COL22A1: variants seen among roughly 807,000 people sequenced by gnomAD.
COL22A1 encodes collagen alpha-1(XXII) chain.
Under a neutral mutation model 248.9 loss-of-function variants are expected in COL22A1, and 221 were observed. The ratio of observed to expected loss-of-function variants is 0.89; its 90% confidence interval spans 0.80 to 0.99. COL22A1 has a LOEUF of 0.99. Ranked by LOEUF, COL22A1 falls within the 50% of genes least tolerant of loss-of-function variation. COL22A1 has a pLI of 0.00. For synonymous variants in COL22A1, 891 were observed against 793.4 expected (o/e 1.12, Z -2.07); for missense variants, 2,240 against 2,179.0 (o/e 1.03, Z -0.56).
At chr8:138,760,190 C>T in intron 18 of COL22A1, 53 bp downstream of exon 18, 1 of 1,477,298 alleles carries the variant, frequency 6.8e-7, no homozygotes, top group Non-Finnish European at 9.1e-7. Flanking sequence ...CGGGCAGTCC[C>T]CGCACCTGCC....
chr8:138,638,699 T>G (rs1821411114), intron 47 of COL22A1, among the ~76,000 whole-genome samples: 1 of 152,196 alleles, frequency 6.6e-6, no homozygotes, highest in Admixed American at 6.5e-5. Context: ...ATTTTTACTG[T>G]TTCTAAATCT....
intron 6 of COL22A1, among the ~76,000 whole-genome samples, chr8:138,822,875 C>T (rs889512677): frequency 4.6e-5 from 7 of 152,206 alleles, no homozygotes; most frequent in African/African-American, 9.7e-5. Flanking sequence ...ATCTCCTCCC[C>T]GTTCCCCTGC....
chr8:138,883,676 G>C (rs1230954738), intron 1 of COL22A1, among the ~76,000 whole-genome samples: 6 of 152,144 alleles, frequency 3.9e-5, no homozygotes, highest in Non-Finnish European at 8.8e-5. Context: ...GTTCTCAGGA[G>C]ATCTGCTACT....
At chr8:138,756,188 C>G (rs1044901279) in intron 18 of COL22A1, among the ~76,000 whole-genome samples, 1 of 152,234 alleles carries the variant, frequency 6.6e-6, no homozygotes, top group Non-Finnish European at 1.5e-5. Flanking sequence ...CAGCCACTGT[C>G]TTTGCACTGT....
rs1319761353 is a variant in COL22A1 at position 138,760,275 on chromosome 8, G to T, written c.1870C>A (p.Pro624Thr). Reference protein sequence around the residue: ...GDTGQQGRPGPSGVAGPQGEK... With the variant: ...GDTGQQGRPGTSGVAGPQGEK... Reference sequence around the variant, plus strand: ...CCCTGGGGTCCTGCCACACCAGAAGGGCCGGGCCTGCCCTGGAGGAAAGAA... The same window carrying T: ...CCCTGGGGTCCTGCCACACCAGAAGTGCCGGGCCTGCCCTGGAGGAAAGAA... The change falls in exon 18 of 65, where the codon CCT becomes ACT. Residue 624 changes from proline (P) to threonine (T), a missense_variant. Pro to Thr is a conservative substitution (Grantham distance 38). Transcript: ENST00000303045. 1.1e-5 allele frequency: 17 copies of T among 1,598,778 alleles called. No individual in the cohort carries two copies. The highest frequency in any genetic ancestry group is 1.4e-5 in the Non-Finnish European group (16 of 1,172,944).
intron 32 of COL22A1, among the ~76,000 whole-genome samples, chr8:138,697,945 G>C (rs1310718717): frequency 6.6e-6 from 1 of 152,188 alleles, no homozygotes; most frequent in Non-Finnish European, 1.5e-5. Context: ...TGGCTTCCTG[G>C]CTCCCAGGCT....
intron 5 of COL22A1, among the ~76,000 whole-genome samples, chr8:138,830,976 A>C (rs59176636): frequency 0.025 from 3,877 of 152,198 alleles, 167 homozygotes; most frequent in African/African-American, 0.088. Flanking sequence ...GAACAACCTC[A>C]TTGTCTGGGA....
At position 138,669,788 on chromosome 8, in the gene COL22A1, G is replaced by T. The variant is rs1181702095; in HGVS notation, c.3151-6048C>A. Among the ~76,000 whole-genome samples, 5 of 152,046 alleles carry T rather than the reference G, an allele frequency of 3.3e-5. No homozygotes were observed. In the South Asian group the frequency reaches 1.0e-3, roughly 32 times the overall value. ...GAATTATTACTGAGAACAACAAAAT[G>T]GTTTCATTTAGAAAGGAGAGTTTCC... On this transcript the variant is annotated intron_variant, in intron 41 of 64. Coordinates refer to ENST00000303045, the MANE Select transcript of COL22A1 (RefSeq NM_152888.3).
intron 40 of COL22A1, among the ~76,000 whole-genome samples, chr8:138,677,064 T>G (rs1825618763): frequency 6.6e-6 from 1 of 152,208 alleles, no homozygotes. Flanking sequence ...ACCAATAATT[T>G]GCCAAGTACC....
intron 12 of COL22A1, among the ~76,000 whole-genome samples, chr8:138,793,135 T>A (rs1816211435): frequency 6.6e-6 from 1 of 152,188 alleles, no homozygotes; most frequent in South Asian, 2.1e-4. Flanking sequence ...AGTATTACCA[T>A]CCCTGGACTC....
intron 16 of COL22A1, among the ~76,000 whole-genome samples, chr8:138,765,719 G>A (rs1311400648): frequency 6.6e-6 from 1 of 152,222 alleles, no homozygotes; most frequent in African/African-American, 2.4e-5. Context: ...AAGAGAGAGA[G>A]CCAAAGCTGT....
intron 62 of COL22A1, among the ~76,000 whole-genome samples, chr8:138,594,567 CT>C (rs759030932): frequency 4.8e-4 from 73 of 152,298 alleles, no homozygotes; most frequent in Non-Finnish European, 8.4e-4. Context: ...CATTCTCAGC[CT>C]TGGTGTCCCT....
At chr8:138,727,869 C>A (rs778493725) in intron 23 of COL22A1, among the ~76,000 whole-genome samples, 14 of 152,132 alleles carry the variant, frequency 9.2e-5, no homozygotes, top group Non-Finnish European at 2.1e-4. Flanking sequence ...TGCTGGAAGG[C>A]TTTAAAGAAG....
At chr8:138,861,416 A>G (rs1228058033) in intron 3 of COL22A1, among the ~76,000 whole-genome samples, 2 of 152,148 alleles carry the variant, frequency 1.3e-5, no homozygotes, top group Non-Finnish European at 2.9e-5. Flanking sequence ...TCAGTTATCC[A>G]CCAGTTATCC....
At chr8:138,628,319 G>T (rs989943356) in intron 50 of COL22A1, among the ~76,000 whole-genome samples, 27 of 150,664 alleles carry the variant, frequency 1.8e-4, no homozygotes, top group African/African-American at 6.3e-4. Context: ...GGGCACCGTG[G>T]CTCATGCCTG....
rs571926182 is a variant in COL22A1 at position 138,716,151 on chromosome 8, G to C, written c.2463+76C>G. 4.9e-5 allele frequency: 56 copies of C among 1,143,998 alleles called. 1 individual carries two copies. The South Asian group carries it at 7.7e-4, about 16-fold the overall frequency. The allele number at this position is 1,143,998 out of a possible 1,614,324, so 70.9% of individuals were successfully genotyped here. A position where few individuals can be genotyped will look rare whatever the true frequency, so the allele number is the denominator to read the frequency against. On this transcript the variant is annotated intron_variant, in intron 29 of 64. Coordinates refer to ENST00000303045, the MANE Select transcript of COL22A1 (RefSeq NM_152888.3). Reference sequence around the variant, plus strand: ...AAAATTATGACTGTCCCGAGGGACTGAGACTCCACAGGGGGCTGCTCTCTG... The same window carrying C: ...AAAATTATGACTGTCCCGAGGGACTCAGACTCCACAGGGGGCTGCTCTCTG...
chr8:138,606,203 G>T (rs1818404911), intron 58 of COL22A1, among the ~76,000 whole-genome samples, 178 bp downstream of exon 58: 1 of 152,134 alleles, frequency 6.6e-6, no homozygotes, highest in South Asian at 2.1e-4. Flanking sequence ...TGCCATGCAG[G>T]TGTGACCTCT....
At chr8:138,806,243 C>T (rs1288934151) in intron 10 of COL22A1, among the ~76,000 whole-genome samples, 2 of 68,262 alleles carry the variant, frequency 2.9e-5, no homozygotes, top group African/African-American at 6.7e-5. Context: ...TGTGATGGTA[C>T]GTGTGTATAT....
At position 138,662,054 on chromosome 8, in the gene COL22A1, G is replaced by C; in HGVS notation, c.3216C>G (p.Gly1072=). 6.2e-7 allele frequency: 1 copy of C among 1,612,284 alleles called. No homozygotes were observed. Among genetic ancestry groups the C allele is most frequent in the Non-Finnish European group, 8.5e-7 (1 of 1,179,160 alleles). ...PGSRGLPGFP[G]PQGPAGRDGA... is the part of the protein sequence containing the mutation. ...CGTCCCGGCCGGCTGGGCCCTGGGG[G>C]CCAGGGAATCCAGGTAAGCCTCGTG... The change falls in exon 43 of 65, where the codon GGC becomes GGG. Residue 1072 remains glycine, a synonymous_variant. Transcript: ENST00000303045.
Sources: gnomAD v4.1 joint callset for allele counts (sites outside exome capture counted in the v4.1 genomes callset) on GRCh38, gnomAD v4.1.1 for gene constraint, MANE v1.5 for transcripts, NCBI Gene and HGNC (gene_info 2026-07-23, HGNC 2026-07-21) for gene names.